TANGO6: variants seen among roughly 807,000 people sequenced by gnomAD.
TANGO6 encodes transport and golgi organization 6 homolog.
Under a neutral mutation model 114.2 loss-of-function variants are expected in TANGO6, and 90 were observed. The observed-to-expected ratio is 0.79, with a 90% confidence interval of 0.66 to 0.94. TANGO6 has a LOEUF of 0.94. TANGO6 is among the 40% of genes least tolerant of loss of function. The pLI is 0.00. For missense variants in TANGO6, 1,274 were observed against 1,315.3 expected (o/e 0.97, Z 0.49); for synonymous variants, 477 against 509.8 (o/e 0.94, Z 0.87).
At chr16:69,060,260 C>A (rs1306366078) in intron 17 of TANGO6, among the ~76,000 whole-genome samples, 25 of 152,072 alleles carry the variant, frequency 1.6e-4, no homozygotes. Context: ...TCAAGTGATC[C>A]GCCCATCTCA....
intron 15 of TANGO6, among the ~76,000 whole-genome samples, chr16:69,000,073 C>A (rs1290650081): frequency 6.6e-6 from 1 of 152,176 alleles, no homozygotes; most frequent in Non-Finnish European, 1.5e-5. Context: ...AATTTGGTTA[C>A]CTTTGTGGCA....
At chr16:69,060,548 T>C (rs952445181) in intron 17 of TANGO6, among the ~76,000 whole-genome samples, 2 of 151,666 alleles carry the variant, frequency 1.3e-5, no homozygotes, top group Non-Finnish European at 2.9e-5. Flanking sequence ...TGAATTATCA[T>C]TGTGCCACTG....
In TANGO6 at chr16:68,843,567, G is replaced by C; in HGVS notation, c.-51G>C. ...CCACACTTAACATGGCGGCGGCGGCGCCCTGCCGAGGCGCCTGAGCGGGTC... is the reference window on the plus strand; with the variant it reads ...CCACACTTAACATGGCGGCGGCGGCCCCCTGCCGAGGCGCCTGAGCGGGTC... On this transcript the variant is annotated 5_prime_UTR_variant, in exon 1 of 18. Coordinates refer to ENST00000261778, the MANE Select transcript of TANGO6 (RefSeq NM_024562.2). The C allele has an allele frequency of 5.1e-6, 8 of 1,568,152 alleles. No individual in the cohort carries two copies. The highest frequency in any genetic ancestry group is 7.0e-6 in the Non-Finnish European group (8 of 1,147,646).
intron 14 of TANGO6, among the ~76,000 whole-genome samples, chr16:68,939,563 G>C (rs913228451): frequency 1.3e-5 from 2 of 150,522 alleles, no homozygotes; most frequent in African/African-American, 4.9e-5. Context: ...TGTCCACTAG[G>C]TGTACTAAAA....
chr16:68,909,529 A>T (rs1219152908), intron 11 of TANGO6, 127 bp downstream of exon 11: 1 of 914,348 alleles, frequency 1.1e-6, no homozygotes, highest in Non-Finnish European at 1.5e-6. Flanking sequence ...TGCTGGTTAA[A>T]TATGGAAACT....
intron 7 of TANGO6, among the ~76,000 whole-genome samples, chr16:68,884,110 A>ATG (rs1198392789): frequency 6.6e-6 from 1 of 152,110 alleles, no homozygotes; most frequent in African/African-American, 2.4e-5. Flanking sequence ...GGGTTTCACC[A>ATG]TGTTTGCCAA....
chr16:68,975,851 C>G (rs1368134817), intron 15 of TANGO6, among the ~76,000 whole-genome samples: 1 of 152,026 alleles, frequency 6.6e-6, no homozygotes, highest in African/African-American at 2.4e-5. Context: ...GCCATCGTGC[C>G]CAGCTGAGGG....
intron 14 of TANGO6, among the ~76,000 whole-genome samples, chr16:68,943,213 A>G (rs960284845): frequency 6.8e-6 from 1 of 146,774 alleles, no homozygotes. Flanking sequence ...ATTTATATTT[A>G]TATTCTTATT....
intron 14 of TANGO6, among the ~76,000 whole-genome samples, chr16:68,956,158 CA>C (rs1345510187): frequency 6.6e-6 from 1 of 151,472 alleles, no homozygotes; most frequent in Non-Finnish European, 1.5e-5. Context: ...CTCAAAAAAA[CA>C]AAACAAAAAA....
intron 2 of TANGO6, among the ~76,000 whole-genome samples, chr16:68,861,165 A>G (rs1395943308): frequency 1.3e-5 from 2 of 152,026 alleles, no homozygotes; most frequent in Non-Finnish European, 2.9e-5. Flanking sequence ...GGGAGATAAG[A>G]CTTACAGGGA....
At chr16:68,920,546 T>C (rs946070278) in intron 12 of TANGO6, among the ~76,000 whole-genome samples, 1 of 152,114 alleles carries the variant, frequency 6.6e-6, no homozygotes, top group Non-Finnish European at 1.5e-5. Flanking sequence ...GAAAGCAGAA[T>C]AGGCTTAGTG....
intron 14 of TANGO6, among the ~76,000 whole-genome samples, chr16:68,933,107 C>T (rs967867723): frequency 2.6e-5 from 4 of 152,022 alleles, no homozygotes; most frequent in Non-Finnish European, 5.9e-5. Flanking sequence ...CTGAGTAGGC[C>T]GATTCTGTCA....
intron 15 of TANGO6, among the ~76,000 whole-genome samples, chr16:68,997,724 T>G (rs1177435360): frequency 6.6e-6 from 1 of 152,176 alleles, no homozygotes; most frequent in Non-Finnish European, 1.5e-5. Context: ...CTCCTGGGAA[T>G]GCAGCCCAGC....
At chr16:68,877,603 G>A (rs1962385525) in intron 5 of TANGO6, among the ~76,000 whole-genome samples, 1 of 151,674 alleles carries the variant, frequency 6.6e-6, no homozygotes, top group Non-Finnish European at 1.5e-5. Flanking sequence ...TATGAGAGGT[G>A]GGCAAAAAAA....
rs1597045944 is a variant in TANGO6, at chr16:68,980,437, T to TA, written c.2842+6269_2842+6270insA. On this transcript the variant is annotated intron_variant, in intron 15 of 17. Transcript: ENST00000261778. ...TATATATATATATATATATATATAT[T>TA]TTTTTTTTTTTTTTTGAGATAGGGT... Among the ~76,000 whole-genome samples, 231 of 48,406 alleles carry TA rather than the reference T, an allele frequency of 4.8e-3. 1 individual carries two copies. The highest frequency in any genetic ancestry group is 7.2e-3 in the Non-Finnish European group (168 of 23,274). 31.8% of individuals were successfully genotyped at this position (48,406 alleles called of 152,430 possible).
intron 6 of TANGO6, among the ~76,000 whole-genome samples, chr16:68,880,100 G>A (rs1295523425): frequency 2.6e-5 from 4 of 152,000 alleles, no homozygotes; most frequent in Non-Finnish European, 5.9e-5. Flanking sequence ...AGCCTCGTGA[G>A]TAGCTGGGAC....
At chr16:69,044,901 A>T (rs1959827607) in intron 17 of TANGO6, among the ~76,000 whole-genome samples, 1 of 152,190 alleles carries the variant, frequency 6.6e-6, no homozygotes, top group African/African-American at 2.4e-5. Context: ...CATGCCTATA[A>T]TCCCAGCACT....
chr16:68,852,413 A>G (rs1195590180), intron 1 of TANGO6, among the ~76,000 whole-genome samples: 1 of 140,664 alleles, frequency 7.1e-6, no homozygotes, highest in Non-Finnish European at 1.5e-5. Flanking sequence ...TACAAGGTAT[A>G]TTAGCTTTAG....
intron 11 of TANGO6, among the ~76,000 whole-genome samples, chr16:68,917,158 C>G (rs975047676): frequency 1.3e-5 from 2 of 152,132 alleles, no homozygotes; most frequent in Non-Finnish European, 2.9e-5. Context: ...TGAAATCATA[C>G]AGCATGTGGC....
Sources: gnomAD v4.1 joint callset for allele counts (sites outside exome capture counted in the v4.1 genomes callset) on GRCh38, gnomAD v4.1.1 for gene constraint, MANE v1.5 for transcripts, NCBI Gene and HGNC (gene_info 2026-07-23, HGNC 2026-07-21) for gene names.